Variants in TEK observed in about 807,000 individuals in gnomAD.
TEK encodes TEK receptor tyrosine kinase, also known as angiopoietin-1 receptor.
Under a neutral mutation model 131.8 loss-of-function variants are expected in TEK, and 43 were observed. That is an observed-to-expected ratio of 0.33 (90% confidence interval 0.26 to 0.42). The LOEUF (loss-of-function observed/expected upper bound fraction) is 0.42, where lower values mean the gene tolerates loss of function less well. Ranked by LOEUF, TEK falls within the 10% of genes least tolerant of loss-of-function variation. The pLI is 1.00. For synonymous variants in TEK, 580 were observed against 491.6 expected (o/e 1.18, Z -2.38); for missense variants, 1,162 against 1,384.4 (o/e 0.84, Z 2.55).
At chr9:27,173,550 G>A (rs527847931) in intron 6 of TEK, among the ~76,000 whole-genome samples, 188 bp downstream of exon 6, 14 of 152,204 alleles carry the variant, frequency 9.2e-5, no homozygotes, top group Non-Finnish European at 1.3e-4. Flanking sequence ...AATCTAGACC[G>A]CATAGAAAGT....
At chr9:27,134,264 G>T (rs990204543) in intron 1 of TEK, among the ~76,000 whole-genome samples, 2 of 152,142 alleles carry the variant, frequency 1.3e-5, no homozygotes, top group Admixed American at 1.3e-4. Flanking sequence ...TATGTACTTG[G>T]ATTAGAGAGT....
chr9:27,184,912 T>C (rs531044364), intron 8 of TEK, among the ~76,000 whole-genome samples: 1 of 152,168 alleles, frequency 6.6e-6, no homozygotes, highest in South Asian at 2.1e-4. Context: ...TGGTGGCATA[T>C]ACCTGTAGTC....
At chr9:27,115,352 A>T (rs1291535313) in intron 1 of TEK, among the ~76,000 whole-genome samples, 2 of 152,106 alleles carry the variant, frequency 1.3e-5, no homozygotes, top group African/African-American at 4.8e-5. Flanking sequence ...TACAAAAATT[A>T]GCCTGGCATG....
intron 14 of TEK, 128 bp downstream of exon 14, chr9:27,205,193 T>C (rs1825359961): frequency 3.4e-6 from 4 of 1,182,196 alleles, no homozygotes; most frequent in Admixed American, 4.1e-5. Context: ...CCTCATCTTC[T>C]CTTTGGCTTT....
At chr9:27,156,507 G>A (rs893297513) in intron 1 of TEK, among the ~76,000 whole-genome samples, 1 of 151,876 alleles carries the variant, frequency 6.6e-6, no homozygotes, top group Admixed American at 6.6e-5. Flanking sequence ...GCAGAAGGTG[G>A]CCATGCCAAG....
chr9:27,189,650 G>T (rs984307987), intron 9 of TEK, among the ~76,000 whole-genome samples: 20 of 152,168 alleles, frequency 1.3e-4, no homozygotes, highest in African/African-American at 4.8e-4. Context: ...GCCTGATGTT[G>T]TAGACTTTGA....
chr9:27,123,052 CAAAAA>C (rs10700803), intron 1 of TEK, among the ~76,000 whole-genome samples: 2 of 34,710 alleles, frequency 5.8e-5, no homozygotes, highest in African/African-American at 1.4e-4. Context: ...GACTCTGTCT[CAAAAA>C]AAAAAAAAAA....
intron 21 of TEK, among the ~76,000 whole-genome samples, chr9:27,225,022 A>G (rs1477440257): frequency 1.3e-5 from 2 of 152,228 alleles, no homozygotes; most frequent in Non-Finnish European, 2.9e-5. Flanking sequence ...TACAAAGAGA[A>G]TAAAATATCT....
At chr9:27,197,711 T>G in intron 12 of TEK, 112 bp downstream of exon 12, 1 of 1,388,024 alleles carries the variant, frequency 7.2e-7, no homozygotes, top group Non-Finnish European at 1.0e-6. Flanking sequence ...AAGTTAGTTG[T>G]GAGAGAAGGC....
At chr9:27,197,685 T>A (rs748439034) in intron 12 of TEK, 86 bp downstream of exon 12, 3 of 1,537,996 alleles carry the variant, frequency 2.0e-6, no homozygotes, top group Non-Finnish European at 2.7e-6. Flanking sequence ...GCAGGACTAT[T>A]GGAAATTATG....
chr9:27,175,233 C>A (rs1228791690), intron 6 of TEK, among the ~76,000 whole-genome samples: 1 of 147,874 alleles, frequency 6.8e-6, no homozygotes, highest in African/African-American at 2.5e-5. Flanking sequence ...TGAGAACATA[C>A]GGTGTTTGGT....
rs769727749 is a variant in TEK, at chr9:27,185,675, T to C, written c.1327+46T>C. 10 of 1,610,436 alleles carry C rather than the reference T, an allele frequency of 6.2e-6. No homozygotes were observed. The South Asian group carries it at 9.9e-5, about 16-fold the overall frequency. ...AAGGGATTGTGTCCTTGATGCATTATGTTTTTGTATTGCTGCTTCTAGACA... is the reference window on the plus strand; with the variant it reads ...AAGGGATTGTGTCCTTGATGCATTACGTTTTTGTATTGCTGCTTCTAGACA... On this transcript the variant is annotated intron_variant, in intron 9 of 22. Transcript: ENST00000380036.
At chr9:27,189,172 T>C (rs1824715541) in intron 9 of TEK, among the ~76,000 whole-genome samples, 1 of 152,162 alleles carries the variant, frequency 6.6e-6, no homozygotes, top group African/African-American at 2.4e-5. Context: ...CCAAGGGAAC[T>C]ATAGAGCTCA....
At chr9:27,191,455 A>AAG (rs1251657767) in intron 10 of TEK, among the ~76,000 whole-genome samples, 1 of 152,148 alleles carries the variant, frequency 6.6e-6, no homozygotes, top group Admixed American at 6.5e-5. Context: ...CAATTGGACT[A>AAG]TTCTGTAAAA....
intron 1 of TEK, among the ~76,000 whole-genome samples, chr9:27,118,947 T>C (rs1821674751): frequency 1.3e-5 from 2 of 152,202 alleles, no homozygotes; most frequent in South Asian, 4.1e-4. Flanking sequence ...TAGTCTTTAG[T>C]ACGAGAGAAT....
intron 1 of TEK, among the ~76,000 whole-genome samples, chr9:27,135,172 C>T (rs540164540): frequency 2.7e-4 from 40 of 150,668 alleles, no homozygotes; most frequent in African/African-American, 7.1e-4. Flanking sequence ...TGCAGTGAGC[C>T]GAGATCGTGC....
At chr9:27,140,827 C>T (rs1822698300) in intron 1 of TEK, among the ~76,000 whole-genome samples, 1 of 152,078 alleles carries the variant, frequency 6.6e-6, no homozygotes, top group Non-Finnish European at 1.5e-5. Context: ...AGATACATAG[C>T]TGTTATGCCT....
intron 21 of TEK, among the ~76,000 whole-genome samples, chr9:27,223,444 G>T (rs890599412): frequency 1.1e-4 from 16 of 152,176 alleles, no homozygotes; most frequent in Non-Finnish European, 7.3e-5. Flanking sequence ...AATCAAAGTA[G>T]AACTCAGGAT....
At position 27,221,516 on chromosome 9, in the gene TEK, TATACAGGACAGCTC is replaced by T. The variant is rs1312049423; in HGVS notation, c.3200+1372_3200+1385del. 6.2e-3 allele frequency among the ~76,000 whole-genome samples: 940 copies of T among 152,132 alleles called. 7 individuals are homozygous for T. Among genetic ancestry groups the T allele is most frequent in the African/African-American group, 0.021 (888 of 41,526 alleles). ...CCCAGTAGGGGTCGACAGGACATCT[TATACAGGACAGCTC>T]TGGCTGGCATCTGGCAGGTGCCCCT... is the stretch of plus-strand genomic sequence containing the variant. On this transcript the variant is annotated intron_variant, in intron 21 of 22. Transcript: ENST00000380036.
Sources: gnomAD v4.1 joint callset for allele counts (sites outside exome capture counted in the v4.1 genomes callset) on GRCh38, gnomAD v4.1.1 for gene constraint, MANE v1.5 for transcripts, NCBI Gene and HGNC (gene_info 2026-07-23, HGNC 2026-07-21) for gene names.